RMND5B: variants seen among roughly 807,000 people sequenced by gnomAD.
The protein encoded by RMND5B is E3 ubiquitin-protein transferase RMND5B.
Under a neutral mutation model 50.4 loss-of-function variants are expected in RMND5B, and 42 were observed. The observed-to-expected ratio is 0.83, with a 90% CI of 0.65 to 1.08. RMND5B has a LOEUF of 1.08. RMND5B is among the 50% of genes least tolerant of loss of function. The probability of loss-of-function intolerance (pLI) is 0.00; values close to 1 mark genes in which losing one functional copy is unlikely to be tolerated. For synonymous variants in RMND5B, 220 were observed against 210.0 expected (o/e 1.05, Z -0.41); for missense variants, 463 against 508.5 (o/e 0.91, Z 0.86).
chr5:178,132,264 A>C (rs549145534), intron 2 of RMND5B, among the ~76,000 whole-genome samples: 2 of 152,030 alleles, frequency 1.3e-5, no homozygotes, highest in Admixed American at 6.5e-5. Flanking sequence ...AACATGGTGA[A>C]ACCCCGTCTC....
In RMND5B at chr5:178,146,225, C is replaced by A. The variant is rs1406109620; in HGVS notation, c.806C>A (p.Thr269Asn). ...SHWAEICETFTRDACSLLGLS... is the reference protein window; with the variant it reads ...SHWAEICETFNRDACSLLGLS... Reference sequence around the variant, plus strand: ...TGGGCAGAGATCTGTGAGACCTTTACCCGGGACGCCTGTTCCCTGCTGGGG... The same window carrying A: ...TGGGCAGAGATCTGTGAGACCTTTAACCGGGACGCCTGTTCCCTGCTGGGG... The change falls in exon 8 of 11, where the codon ACC becomes AAC. Residue 269 changes from threonine (T) to asparagine (N), a missense_variant. Transcript: ENST00000313386. 1 of 1,614,088 alleles carries A rather than the reference C, an allele frequency of 6.2e-7. No homozygotes were observed. Among genetic ancestry groups the A allele is most frequent in the African/African-American group, 1.3e-5 (1 of 74,950 alleles).
intron 8 of RMND5B, chr5:178,146,484 G>A: frequency 3.6e-6 from 2 of 549,840 alleles, no homozygotes; most frequent in Non-Finnish European, 6.4e-6. Flanking sequence ...GTCACCATGA[G>A]GTCAGTGGCA....
intron 5 of RMND5B, 121 bp from the exon 6 acceptor site, chr5:178,143,506 C>T (rs78900447): frequency 0.02 from 15,477 of 775,826 alleles, 242 homozygotes; most frequent in South Asian, 0.04. Flanking sequence ...AGACCAAGCT[C>T]CTCAAGCAAA....
Position 178,143,138 on chromosome 5 carries a change from A to G in RMND5B, c.426+146A>G, listed in dbSNP as rs570371948. ...CTGCCAGAAGCAGAAGGTAGCTTTAAAAACATATATGATGAAAAGAGAAGT... is the reference window on the plus strand; with the variant it reads ...CTGCCAGAAGCAGAAGGTAGCTTTAGAAACATATATGATGAAAAGAGAAGT... On this transcript the variant is annotated intron_variant, in intron 5 of 10. Transcript: ENST00000313386. 2.8e-5 allele frequency: 30 copies of G among 1,058,004 alleles called. No individual in the cohort carries two copies. In the African/African-American group the frequency reaches 4.6e-4, roughly 16 times the overall value. 65.5% of individuals were successfully genotyped at this position (1,058,004 alleles called of 1,614,324 possible).
Position 178,149,622 on chromosome 5 carries a change from C to T in RMND5B, c.*1590C>T, listed in dbSNP as rs1756207744. On this transcript the variant is annotated 3_prime_UTR_variant, in exon 11 of 11. Transcript: ENST00000313386. ...GTGCCTTGGGGAACTGGGAAGATGC[C>T]GTCAGTGTGGGTGGGCAGGAGGACA... The T allele has an allele frequency of 7.1e-6, 11 of 1,559,180 alleles. No homozygotes were observed. The Admixed American group carries it at 8.7e-5, about 12-fold the overall frequency.
In RMND5B at chr5:178,143,661, A is replaced by C. The variant is rs766544650; in HGVS notation, c.461A>C (p.Gln154Pro). 1.2e-6 allele frequency: 2 copies of C among 1,614,162 alleles called. No homozygotes were observed. The highest frequency in any genetic ancestry group is 3.3e-5 in the Admixed American group (2 of 60,024). Reference protein sequence around the residue: ...STLNVDLDFKQPFLELNRILE... With the variant: ...STLNVDLDFKPPFLELNRILE... ...CTGAATGTGGACTTGGATTTCAAGC[A>C]GCCTTTCCTAGAGTTGAATCGAATC... Residue 154 changes from glutamine to proline, a missense_variant, in exon 6 of 11, where the codon CAG (glutamine) becomes CCG (proline). Transcript: ENST00000313386.
chr5:178,144,777 T>C (rs1393485776), intron 7 of RMND5B, among the ~76,000 whole-genome samples: 1 of 151,430 alleles, frequency 6.6e-6, no homozygotes, highest in East Asian at 1.9e-4. Flanking sequence ...TTGCAGCACT[T>C]TGGGAGGCCA....
Position 178,147,629 on chromosome 5 carries a change from G to A in RMND5B, c.957G>A (p.Glu319=). 1 of 1,614,164 alleles carries A rather than the reference G, an allele frequency of 6.2e-7. No homozygotes were observed. Among genetic ancestry groups the A allele is most frequent in the Non-Finnish European group, 8.5e-7 (1 of 1,180,010 alleles). Residue 319 remains glutamate, a synonymous_variant, in exon 9 of 11, where the codon GAG becomes GAA. Coordinates refer to ENST00000313386, the MANE Select transcript of RMND5B (RefSeq NM_022762.5). ...QCTGVWNHKD[E]LPIEIELGMK... is the part of the protein sequence containing the mutation. ...CTGGGGTCTGGAATCACAAGGACGAGTTACCGGTGAGGCCTGGTCTGGGGA... is the reference window on the plus strand; with the variant it reads ...CTGGGGTCTGGAATCACAAGGACGAATTACCGGTGAGGCCTGGTCTGGGGA...
chr5:178,141,738 C>T (rs1238146660), intron 3 of RMND5B: 1 of 152,178 alleles, frequency 6.6e-6, no homozygotes, highest in Non-Finnish European at 1.5e-5. Flanking sequence ...TAAAGTCCAA[C>T]TCAGCGGTTT....
In RMND5B at chr5:178,137,464, G is replaced by C. The variant is rs1474804710; in HGVS notation, c.-12-644G>C. 6.6e-6 allele frequency among the ~76,000 whole-genome samples: 1 copy of C among 152,180 alleles called. No individual in the cohort carries two copies. Among genetic ancestry groups the C allele is most frequent in the East Asian group, 1.9e-4 (1 of 5,198 alleles). Reference sequence around the variant, plus strand: ...GCACTTTGAGAGGCCAAGGTGGAAAGATCGTTTGAGCCCAGGAGTTTGAGA... The same window carrying C: ...GCACTTTGAGAGGCCAAGGTGGAAACATCGTTTGAGCCCAGGAGTTTGAGA... On this transcript the variant is annotated intron_variant, in intron 2 of 10. Coordinates refer to ENST00000313386, the MANE Select transcript of RMND5B (RefSeq NM_022762.5). The surrounding 1 kb of genome is among the most constrained non-coding windows in gnomAD (Gnocchi z 4.4).
chr5:178,146,519 G>A (rs1561640136), intron 8 of RMND5B: 2 of 482,886 alleles, frequency 4.1e-6, no homozygotes, highest in Non-Finnish European at 7.5e-6. Context: ...ATTTTGTAAG[G>A]TCTCCTGAAT....
intron 3 of RMND5B, 73 bp from the exon 4 acceptor site, chr5:178,142,510 A>G (rs1337403524): frequency 6.6e-7 from 1 of 1,506,362 alleles, no homozygotes; most frequent in Non-Finnish European, 9.0e-7. Context: ...CATTTAGAAT[A>G]GAGCTAAGGT....
chr5:178,140,392 G>A (rs1581119493), intron 3 of RMND5B, among the ~76,000 whole-genome samples: 1 of 151,170 alleles, frequency 6.6e-6, no homozygotes, highest in Non-Finnish European at 1.5e-5. Flanking sequence ...TGTCCAAGAC[G>A]GTGTCGAACT....
chr5:178,142,857 C>T lies in RMND5B; in HGVS notation c.291C>T (p.Phe97=), dbSNP rs781738235. The T allele has an allele frequency of 1.2e-5, 19 of 1,614,108 alleles. No individual in the cohort carries two copies. Among genetic ancestry groups the T allele is most frequent in the East Asian group, 8.9e-5 (4 of 44,898 alleles). ...TGTCTCTCCTCCTTCGTCAGAACTT[C>T]GACTCTGAGATCTGTGGTGTTGTGT... ...SRVGKAIDRN[F]DSEICGVVSD... is the part of the protein sequence containing the mutation. The change falls in exon 5 of 11, where the codon TTC becomes TTT. Residue 97 remains phenylalanine (F), a synonymous_variant. Coordinates refer to ENST00000313386, the MANE Select transcript of RMND5B (RefSeq NM_022762.5).
At chr5:178,136,964 G>T (rs1371522073) in intron 2 of RMND5B, among the ~76,000 whole-genome samples, 1 of 152,138 alleles carries the variant, frequency 6.6e-6, no homozygotes, top group Non-Finnish European at 1.5e-5. Context: ...TGGTCTGGTG[G>T]GGGAGGCAGG....
chr5:178,147,821 C>G lies in RMND5B; in HGVS notation c.1056C>G (p.Ile352Met). The G allele has an allele frequency of 6.2e-7, 1 of 1,614,180 alleles. No homozygotes were observed. Among genetic ancestry groups the G allele is most frequent in the Non-Finnish European group, 8.5e-7 (1 of 1,180,042 alleles). ...AGACGTCAGATTCCAACCCTCCCAT[C>G]AAGCTCATCTGTGGCCATGTTATCT... ...RQQTSDSNPPIKLICGHVISR... is the reference protein window; with the variant it reads ...RQQTSDSNPPMKLICGHVISR... Residue 352 changes from isoleucine (I) to methionine (M), a missense_variant, in exon 10 of 11, where the codon ATC becomes ATG. By Grantham distance (10) the Ile-to-Met change is conservative. Coordinates refer to ENST00000313386, the MANE Select transcript of RMND5B (RefSeq NM_022762.5).
At chr5:178,133,625 T>G (rs1412955186) in intron 2 of RMND5B, 1 of 151,818 alleles carries the variant, frequency 6.6e-6, no homozygotes, top group East Asian at 1.9e-4. Context: ...CAGGCGGGTC[T>G]CAAACTCTTG....
At chr5:178,136,798 C>T (rs535416215) in intron 2 of RMND5B, among the ~76,000 whole-genome samples, 1 of 152,196 alleles carries the variant, frequency 6.6e-6, no homozygotes, top group East Asian at 1.9e-4. Flanking sequence ...TGTTCAGTGT[C>T]AAAGGCTGCT....
rs972076609 is a variant in RMND5B at position 178,142,712 on chromosome 5, G to A, written c.269G>A (p.Gly90Asp). The A allele has an allele frequency of 1.3e-5, 21 of 1,614,126 alleles. No individual in the cohort carries two copies. The highest frequency in any genetic ancestry group is 1.7e-5 in the Admixed American group (1 of 60,012). The change falls in exon 4 of 11, where the codon GGC becomes GAC. Residue 90 changes from glycine to aspartate, a missense_variant. Physicochemically the swap from Gly to Asp is moderately conservative, Grantham distance 94 (BLOSUM62 -1). Transcript: ENST00000313386. ...KDIHSSVSRV[G>D]KAIDRNFDSE... is the part of the protein sequence containing the mutation. ...ATTCACAGCAGTGTATCCCGAGTGGGCAAAGCCATTGACAGGGTGAGCACG... is the reference window on the plus strand; with the variant it reads ...ATTCACAGCAGTGTATCCCGAGTGGACAAAGCCATTGACAGGGTGAGCACG...
Sources: gnomAD v4.1 joint callset for allele counts (sites outside exome capture counted in the v4.1 genomes callset) on GRCh38, gnomAD v4.1.1 for gene constraint, Gnocchi (gnomAD v3.1) non-coding constraint, MANE v1.5 for transcripts, NCBI Gene and HGNC (gene_info 2026-07-23, HGNC 2026-07-21) for gene names.